CHDH: variants seen among roughly 807,000 people sequenced by gnomAD.
The protein encoded by CHDH is choline dehydrogenase, mitochondrial.
In CHDH, 43 loss-of-function variants were observed where a neutral mutation model predicts 56.9. The ratio of observed to expected loss-of-function variants is 0.76; its 90% CI spans 0.59 to 0.97. CHDH has a LOEUF of 0.97. Ranked by LOEUF, CHDH falls within the 50% of genes least tolerant of loss-of-function variation. The pLI, the probability that CHDH is intolerant of heterozygous loss-of-function variation, is 0.00. For missense variants in CHDH, 816 were observed against 821.1 expected (o/e 0.99, Z 0.08); for synonymous variants, 364 against 348.5 (o/e 1.04, Z -0.50).
intron 2 of CHDH, among the ~76,000 whole-genome samples, chr3:53,825,684 C>T (rs1430862183): frequency 6.6e-6 from 1 of 152,124 alleles, no homozygotes; most frequent in Non-Finnish European, 1.5e-5. Context: ...ATTGCTGAGA[C>T]TTTCCCAAAC....
rs1360355723 is a variant in CHDH, at chr3:53,812,777, G to A, written c.*5000C>T. The A allele has an allele frequency of 1.3e-5, 2 of 152,262 alleles. No homozygotes were observed. Among genetic ancestry groups the A allele is most frequent in the African/African-American group, 4.8e-5 (2 of 41,450 alleles). 9.4% of individuals were successfully genotyped at this position (152,262 alleles called of 1,614,324 possible). A position where few individuals can be genotyped will look rare whatever the true frequency, so the allele number is the denominator to read the frequency against. ...CTGGTGGTGCTGCTTAAGAAATAAGGGGTGCTGGGGACAGAGGAGCAACGT... is the reference window on the plus strand; with the variant it reads ...CTGGTGGTGCTGCTTAAGAAATAAGAGGTGCTGGGGACAGAGGAGCAACGT... On this transcript the variant is annotated 3_prime_UTR_variant, in exon 9 of 9. Coordinates refer to ENST00000315251, the MANE Select transcript of CHDH (RefSeq NM_018397.5).
chr3:53,840,040 G>A (rs569227325), intron 2 of CHDH, among the ~76,000 whole-genome samples: 1 of 152,204 alleles, frequency 6.6e-6, no homozygotes, highest in East Asian at 1.9e-4. Context: ...GGAGTAGATG[G>A]GTAGTTATCA....
chr3:53,820,437 G>C, intron 6 of CHDH, 37 bp downstream of exon 6: 1 of 1,586,978 alleles, frequency 6.3e-7, no homozygotes, highest in Non-Finnish European at 8.6e-7. Context: ...AATGCTTATA[G>C]GCAGTCTCCT....
intron 2 of CHDH, among the ~76,000 whole-genome samples, chr3:53,833,989 C>A (rs987464731): frequency 1.4e-4 from 21 of 152,176 alleles, no homozygotes; most frequent in Non-Finnish European, 2.1e-4. Flanking sequence ...CAACTTGAAA[C>A]CCCCACCCCC....
intron 1 of CHDH, among the ~76,000 whole-genome samples, chr3:53,842,875 A>G (rs942246464): frequency 6.6e-6 from 1 of 152,206 alleles, no homozygotes; most frequent in Non-Finnish European, 1.5e-5. Context: ...GAGTGCTCCC[A>G]ACAGTTCCTC....
Position 53,824,067 on chromosome 3 carries a change from C to G in CHDH, c.-59G>C. 2.2e-6 allele frequency: 3 copies of G among 1,379,636 alleles called. No homozygotes were observed. Among genetic ancestry groups the G allele is most frequent in the Non-Finnish European group, 1.9e-6 (2 of 1,063,564 alleles). The allele number at this position is 1,379,636 out of a possible 1,614,324, so 85.5% of individuals were successfully genotyped here. On this transcript the variant is annotated splice_region_variant and 5_prime_UTR_variant, in exon 3 of 9. Coordinates refer to ENST00000315251, the MANE Select transcript of CHDH (RefSeq NM_018397.5). The stretch of plus-strand genomic sequence containing the variant: ...AGGGGAATGAGATGACTCACTTCTC[C>G]CTAAAACAGGAAGAGGGGCTTTAAA...
chr3:53,820,728 C>G (rs2095624694), intron 5 of CHDH, 120 bp from the exon 6 acceptor site: 1 of 1,267,444 alleles, frequency 7.9e-7, no homozygotes, highest in African/African-American at 1.5e-5. Context: ...AGCTCCTGCT[C>G]AGTTCCCTGG....
At chr3:53,846,002 C>A (rs1187606828) in intron 1 of CHDH, 81 bp downstream of exon 1, 1 of 152,264 alleles carries the variant, frequency 6.6e-6, no homozygotes, top group Non-Finnish European at 1.5e-5. Context: ...CGGCCCCAAA[C>A]CTCCGGCCCC....
In CHDH at chr3:53,818,937, C is replaced by T. The variant is rs2095620787; in HGVS notation, c.1366+1G>A. 3 of 1,596,892 alleles carry T rather than the reference C, an allele frequency of 1.9e-6. No homozygotes were observed. The highest frequency in any genetic ancestry group is 2.6e-6 in the Non-Finnish European group (3 of 1,164,286). On this transcript the variant is annotated splice_donor_variant, in intron 8 of 8. Coordinates refer to ENST00000315251, the MANE Select transcript of CHDH (RefSeq NM_018397.5). LOFTEE classifies it high-confidence loss of function. ...CAGGAAGACACAGGTGGGTGAAGTACCTGTTGACAAGTAGTTGGGCTGGAT... is the reference window on the plus strand; with the variant it reads ...CAGGAAGACACAGGTGGGTGAAGTATCTGTTGACAAGTAGTTGGGCTGGAT...
intron 8 of CHDH, 32 bp from the exon 9 acceptor site, chr3:53,818,227 TC>T (rs1389353335): frequency 2.6e-6 from 4 of 1,553,072 alleles, no homozygotes; most frequent in Admixed American, 1.9e-5. Flanking sequence ...TGAGGACCCC[TC>T]CTTTTGCCCG....
At chr3:53,831,417 G>A (rs931374203) in intron 2 of CHDH, among the ~76,000 whole-genome samples, 1 of 152,252 alleles carries the variant, frequency 6.6e-6, no homozygotes, top group African/African-American at 2.4e-5. Context: ...TGTGAATACA[G>A]GCGGTAGCCA....
chr3:53,822,393 G>A, intron 4 of CHDH, 98 bp downstream of exon 4: 1 of 1,173,188 alleles, frequency 8.5e-7, no homozygotes. Context: ...GAGCACGTGG[G>A]TCTGGGGGTG....
chr3:53,832,863 G>A (rs1559759173), intron 2 of CHDH, among the ~76,000 whole-genome samples: 2 of 152,218 alleles, frequency 1.3e-5, no homozygotes, highest in Non-Finnish European at 2.9e-5. Flanking sequence ...GGATAGTGGT[G>A]ATGGGTGTAC....
Position 53,823,451 on chromosome 3 carries a change from C to A in CHDH, c.558G>T (p.Pro186=), listed in dbSNP as rs373647461. The part of the protein sequence containing the change: ...GASRYRGADG[P]LRVSRGKTNH... ...TGGTCTTGCCCCGGGACACCCGCAG[C>A]GGGCCATCGGCGCCCCGGTACCGGC... The change falls in exon 3 of 9, where the codon CCG becomes CCT. Residue 186 remains proline, a synonymous_variant. Coordinates refer to ENST00000315251, the MANE Select transcript of CHDH (RefSeq NM_018397.5). The A allele has an allele frequency of 4.2e-5, 66 of 1,562,610 alleles. No individual in the cohort carries two copies. Among genetic ancestry groups the A allele is most frequent in the Non-Finnish European group, 4.9e-5 (56 of 1,154,304 alleles).
chr3:53,823,181 G>A, intron 3 of CHDH, 125 bp downstream of exon 3: 7 of 865,880 alleles, frequency 8.1e-6, no homozygotes, highest in Non-Finnish European at 1.2e-5. Flanking sequence ...TCCCGGTCGT[G>A]CCAGCCTCAG....
Position 53,821,753 on chromosome 3 carries a change from A to AATC in CHDH, c.876_878dup (p.Val292_Ile293insMet). 6.2e-7 allele frequency: 1 copy of AATC among 1,613,910 alleles called. No individual in the cohort carries two copies. Among genetic ancestry groups the AATC allele is most frequent in the African/African-American group, 1.3e-5 (1 of 75,008 alleles). On this transcript the variant is annotated inframe_insertion, in exon 5 of 9. Transcript: ENST00000315251. ...GAGAGTTGATGGCACCTCCACTCAG[A>AATC]ATCACCTCCTTGCTGGCATAAGCCT...
At chr3:53,844,730 G>C (rs536805362) in intron 1 of CHDH, 1 of 152,444 alleles carries the variant, frequency 6.6e-6, no homozygotes. Context: ...ACGCATGTTA[G>C]TGAATGGCTG....
Position 53,824,043 on chromosome 3 carries a change from G to A in CHDH, c.-35C>T, listed in dbSNP as rs1458181774. On this transcript the variant is annotated 5_prime_UTR_variant, in exon 3 of 9. Coordinates refer to ENST00000315251, the MANE Select transcript of CHDH (RefSeq NM_018397.5). ...TAGTCCAAGTCCTCTGATCCACGGA[G>A]GGGAATGAGATGACTCACTTCTCCC... 5 of 1,416,612 alleles carry A rather than the reference G, an allele frequency of 3.5e-6. No homozygotes were observed. The Admixed American group carries it at 1.5e-4, about 43-fold the overall frequency. 87.8% of individuals were successfully genotyped at this position (1,416,612 alleles called of 1,614,324 possible).
chr3:53,837,931 G>A (rs565667366), intron 2 of CHDH, among the ~76,000 whole-genome samples: 77 of 151,930 alleles, frequency 5.1e-4, no homozygotes, highest in Non-Finnish European at 4.4e-4. Context: ...GGTGGCACAC[G>A]CCTTGTAGTC....
Sources: allele counts gnomAD v4.1 joint callset (sites outside exome capture counted in the v4.1 genomes callset), GRCh38; gene constraint gnomAD v4.1.1; transcripts MANE v1.5; gene names NCBI Gene and HGNC (gene_info 2026-07-23, HGNC 2026-07-21).